The following MACROD2 variants were observed in gnomAD, a reference collection of about 807,000 sequenced individuals.
MACROD2 encodes ADP-ribose glycohydrolase MACROD2.
Under a neutral mutation model 70.4 loss-of-function variants are expected in MACROD2, and 36 were observed. That is an observed-to-expected ratio of 0.51 (90% CI 0.39 to 0.68). The LOEUF is 0.68. Among genes scored for constraint, MACROD2 ranks in the 30% least tolerant of loss-of-function variants. MACROD2 has a pLI of 0.00. For missense variants in MACROD2, 496 were observed against 538.4 expected (o/e 0.92, Z 0.78); for synonymous variants, 172 against 178.8 (o/e 0.96, Z 0.30).
intron 3 of MACROD2, among the ~76,000 whole-genome samples, chr20:14,284,864 T>C (rs1427773027): frequency 6.6e-6 from 1 of 152,232 alleles, no homozygotes; most frequent in African/African-American, 2.4e-5. Flanking sequence ...TAAGTTTTCT[T>C]GTATAGAAAT....
chr20:14,942,925 G>T (rs916314495), intron 5 of MACROD2, among the ~76,000 whole-genome samples: 3 of 152,118 alleles, frequency 2.0e-5, no homozygotes, highest in African/African-American at 7.2e-5. Flanking sequence ...CCTTGCCAGG[G>T]TACATTCCAG....
intron 3 of MACROD2, among the ~76,000 whole-genome samples, chr20:14,104,383 G>A (rs2054341343): frequency 6.6e-6 from 1 of 152,184 alleles, no homozygotes. Context: ...ATGTTTTTCA[G>A]CTAAGAAACT....
At chr20:15,317,138 T>C (rs1034699674) in intron 6 of MACROD2, among the ~76,000 whole-genome samples, 3 of 151,932 alleles carry the variant, frequency 2.0e-5, no homozygotes, top group Non-Finnish European at 4.4e-5. Context: ...TTTTGCACTT[T>C]AAGAAAGTAG....
intron 4 of MACROD2, among the ~76,000 whole-genome samples, chr20:14,506,345 C>A (rs2084969670): frequency 6.6e-6 from 1 of 152,094 alleles, no homozygotes; most frequent in Non-Finnish European, 1.5e-5. Flanking sequence ...CCAGAGAAGA[C>A]TTGTAAATGG....
rs138420496 is a variant in MACROD2, at chr20:15,333,394, G to A, written c.541-98011G>A. Among the ~76,000 whole-genome samples the A allele has an allele frequency of 4.2e-3, 636 of 151,712 alleles. 25 individuals are homozygous for A. The highest frequency in any genetic ancestry group is 0.015 in the African/African-American group (614 of 41,054). On this transcript the variant is annotated intron_variant, in intron 6 of 17. Transcript: ENST00000684519. ...AGTTTCATTTCCTTTCTCCTCGAAA[G>A]CGAATTGTTTCCTTGACAGGTAGGT...
chr20:14,813,855 G>T (rs2072743458), intron 5 of MACROD2, among the ~76,000 whole-genome samples: 1 of 151,966 alleles, frequency 6.6e-6, no homozygotes, highest in Admixed American at 6.6e-5. Context: ...CCTCGATGTT[G>T]TAGGTTGGGG....
At chr20:14,748,498 A>G (rs373956968) in intron 5 of MACROD2, among the ~76,000 whole-genome samples, 45 of 152,096 alleles carry the variant, frequency 3.0e-4, no homozygotes, top group African/African-American at 8.7e-4. Flanking sequence ...TTGTATCTTA[A>G]CATGTCTTTG....
Position 15,885,690 on chromosome 20 carries a change from T to G in MACROD2, c.728-74T>G, listed in dbSNP as rs565646135. 2.3e-5 allele frequency: 30 copies of G among 1,312,468 alleles called. No homozygotes were observed. In the African/African-American group the frequency reaches 4.3e-4, roughly 19 times the overall value. The allele number at this position is 1,312,468 out of a possible 1,614,324, so 81.3% of individuals were successfully genotyped here. A position where few individuals can be genotyped will look rare whatever the true frequency, so the allele number is the denominator to read the frequency against. On this transcript the variant is annotated intron_variant, in intron 9 of 17. Transcript: ENST00000684519. ...TATCCCTTTCTTTGATTTTTTTTAA[T>G]AATCCATCTGGAACATTCTTGTGTT...
At chr20:14,902,886 T>C (rs753761850) in intron 5 of MACROD2, among the ~76,000 whole-genome samples, 22 of 151,750 alleles carry the variant, frequency 1.4e-4, no homozygotes, top group Non-Finnish European at 2.9e-4. Context: ...TTATGAGAGG[T>C]AAATGGAGAG....
chr20:14,876,629 G>A (rs1351227248), intron 5 of MACROD2, among the ~76,000 whole-genome samples: 1 of 152,100 alleles, frequency 6.6e-6, no homozygotes, highest in Non-Finnish European at 1.5e-5. Context: ...TCCATCTTGA[G>A]TTACTTTTTG....
intron 6 of MACROD2, among the ~76,000 whole-genome samples, chr20:15,344,939 T>C (rs6043226): frequency 0.18 from 27,380 of 152,134 alleles, 2,729 homozygotes; most frequent in Non-Finnish European, 0.23. Context: ...ACAACAGAAA[T>C]GTATTCATCA....
intron 5 of MACROD2, among the ~76,000 whole-genome samples, chr20:14,903,378 C>A (rs897255626): frequency 2.2e-4 from 33 of 152,042 alleles, no homozygotes; most frequent in African/African-American, 8.0e-4. Context: ...AAGACAGGAA[C>A]AGACAACAGA....
At chr20:15,672,473 A>C (rs754127799) in intron 8 of MACROD2, among the ~76,000 whole-genome samples, 15 of 151,786 alleles carry the variant, frequency 9.9e-5, no homozygotes, top group Non-Finnish European at 1.9e-4. Flanking sequence ...TTGTCACCCC[A>C]AATCTGTTTG....
At chr20:15,422,831 G>T (rs2046248150) in intron 6 of MACROD2, among the ~76,000 whole-genome samples, 1 of 152,150 alleles carries the variant, frequency 6.6e-6, no homozygotes, top group Non-Finnish European at 1.5e-5. Context: ...TTATAGATGG[G>T]GATAGAGAGG....
At chr20:14,511,821 A>G (rs1485928210) in intron 4 of MACROD2, among the ~76,000 whole-genome samples, 3 of 152,132 alleles carry the variant, frequency 2.0e-5, no homozygotes, top group Non-Finnish European at 4.4e-5. Flanking sequence ...TTAGGACACA[A>G]TAACAATTAT....
chr20:15,083,278 A>G (rs2075718899), intron 5 of MACROD2, among the ~76,000 whole-genome samples: 1 of 152,154 alleles, frequency 6.6e-6, no homozygotes, highest in Non-Finnish European at 1.5e-5. Context: ...TTAGAATCAT[A>G]CAAGGAAAGG....
chr20:15,051,909 G>C (rs879930071), intron 5 of MACROD2, among the ~76,000 whole-genome samples: 1 of 151,942 alleles, frequency 6.6e-6, no homozygotes, highest in Admixed American at 6.6e-5. Context: ...GCGCCACTAC[G>C]TCCAGCTAAT....
At chr20:15,040,628 G>A (rs1365799110) in intron 5 of MACROD2, among the ~76,000 whole-genome samples, 1 of 152,024 alleles carries the variant, frequency 6.6e-6, no homozygotes, top group Admixed American at 6.6e-5. Context: ...CTACCTTTTT[G>A]GATTGCCAAT....
At chr20:14,223,813 T>C (rs988124049) in intron 3 of MACROD2, among the ~76,000 whole-genome samples, 2 of 152,072 alleles carry the variant, frequency 1.3e-5, no homozygotes, top group African/African-American at 4.8e-5. Context: ...ATTCTTCATA[T>C]TGGGACTGTA....
Sources: allele counts gnomAD v4.1 joint callset (sites outside exome capture counted in the v4.1 genomes callset), GRCh38; gene constraint gnomAD v4.1.1; transcripts MANE v1.5; gene names NCBI Gene and HGNC (gene_info 2026-07-23, HGNC 2026-07-21).